Variants in GPC5 observed in about 807,000 individuals in gnomAD.
GPC5 encodes the protein glypican-5.
In GPC5, 47 loss-of-function variants were observed where a neutral mutation model predicts 53.9. The ratio of observed to expected loss-of-function variants is 0.87; its 90% CI spans 0.69 to 1.11. The LOEUF (loss-of-function observed/expected upper bound fraction) is 1.11. Ranked by LOEUF, GPC5 falls within the 50% of genes most tolerant of loss-of-function variation. The pLI is 0.00. For missense variants in GPC5, 748 were observed against 713.1 expected (o/e 1.05, Z -0.56); for synonymous variants, 286 against 263.3 (o/e 1.09, Z -0.84).
At chr13:92,424,581 C>G (rs1466436086) in intron 7 of GPC5, among the ~76,000 whole-genome samples, 2 of 151,936 alleles carry the variant, frequency 1.3e-5, no homozygotes, top group East Asian at 3.9e-4. Context: ...AGAAAGCACA[C>G]AGATATACTT....
intron 7 of GPC5, among the ~76,000 whole-genome samples, chr13:92,631,937 T>C (rs1354317189): frequency 1.3e-5 from 2 of 152,216 alleles, no homozygotes; most frequent in Non-Finnish European, 2.9e-5. Context: ...ATTATGTATA[T>C]GCAAATATTC....
intron 7 of GPC5, among the ~76,000 whole-genome samples, chr13:92,283,483 T>G (rs1349499000): frequency 6.6e-6 from 1 of 152,160 alleles, no homozygotes; most frequent in East Asian, 1.9e-4. Context: ...ATTGACCACA[T>G]AGTTGGAAGT....
In GPC5 at chr13:92,152,718, G is replaced by A. The variant is rs927825915; in HGVS notation, c.1561+7729G>A. On this transcript the variant is annotated intron_variant, in intron 7 of 7. Transcript: ENST00000377067. ...CGCACCACTGCATTCCAGCCTGGGC[G>A]ACAGAGTGAGACTCCATCTCAAAAA... 2.8e-5 allele frequency among the ~76,000 whole-genome samples: 4 copies of A among 141,678 alleles called. No individual in the cohort carries two copies. In the Admixed American group the frequency reaches 2.9e-4, roughly 10 times the overall value. 92.9% of individuals were successfully genotyped at this position (141,678 alleles called of 152,430 possible). A position where few individuals can be genotyped will look rare whatever the true frequency, so the allele number is the denominator to read the frequency against.
At chr13:92,152,922 G>A (rs1433511486) in intron 7 of GPC5, among the ~76,000 whole-genome samples, 1 of 151,898 alleles carries the variant, frequency 6.6e-6, no homozygotes. Context: ...ACTGAACAGA[G>A]AGTTTGCCTA....
At chr13:91,705,644 A>G (rs1015076511) in intron 3 of GPC5, among the ~76,000 whole-genome samples, 1 of 151,968 alleles carries the variant, frequency 6.6e-6, no homozygotes, top group African/African-American at 2.4e-5. Flanking sequence ...TTGGTCTAAG[A>G]ATAGGAAACC....
chr13:91,463,776 A>G (rs934167293), intron 2 of GPC5, among the ~76,000 whole-genome samples: 3 of 152,138 alleles, frequency 2.0e-5, no homozygotes, highest in Non-Finnish European at 4.4e-5. Flanking sequence ...TGAACCCAAA[A>G]TAGATCATAT....
At chr13:92,336,465 T>C (rs945144917) in intron 7 of GPC5, among the ~76,000 whole-genome samples, 1 of 152,168 alleles carries the variant, frequency 6.6e-6, no homozygotes, top group Non-Finnish European at 1.5e-5. Flanking sequence ...AGAATTAACA[T>C]GTTAGCTAAG....
At chr13:91,843,407 G>A (rs915886716) in intron 5 of GPC5, among the ~76,000 whole-genome samples, 1 of 152,112 alleles carries the variant, frequency 6.6e-6, no homozygotes, top group Non-Finnish European at 1.5e-5. Flanking sequence ...GAAGGATCAG[G>A]GACACTACAG....
At chr13:92,528,881 G>T (rs1881455923) in intron 7 of GPC5, among the ~76,000 whole-genome samples, 3 of 151,514 alleles carry the variant, frequency 2.0e-5, no homozygotes, top group Admixed American at 6.6e-5. Context: ...AAATAAATAG[G>T]CACTTATTAA....
intron 5 of GPC5, among the ~76,000 whole-genome samples, chr13:91,834,283 A>T (rs1378381706): frequency 6.6e-6 from 1 of 152,176 alleles, no homozygotes; most frequent in Non-Finnish European, 1.5e-5. Context: ...ATGCTCATGG[A>T]TAGAAAGAAT....
At chr13:91,653,029 G>A (rs1566583547) in intron 2 of GPC5, among the ~76,000 whole-genome samples, 2 of 152,184 alleles carry the variant, frequency 1.3e-5, no homozygotes, top group East Asian at 1.9e-4. Context: ...AATATCTGAA[G>A]CATGAATTTC....
At chr13:92,471,871 A>G (rs1878927134) in intron 7 of GPC5, among the ~76,000 whole-genome samples, 1 of 152,096 alleles carries the variant, frequency 6.6e-6, no homozygotes, top group Admixed American at 6.6e-5. Flanking sequence ...GGAGGGTGAA[A>G]TAAGTGCTCA....
At chr13:91,548,924 T>C (rs952380959) in intron 2 of GPC5, among the ~76,000 whole-genome samples, 1 of 152,148 alleles carries the variant, frequency 6.6e-6, no homozygotes, top group South Asian at 2.1e-4. Context: ...TAGAAACAGA[T>C]CTTACATCCT....
chr13:92,082,670 A>G (rs2041305834), intron 6 of GPC5, among the ~76,000 whole-genome samples: 1 of 152,220 alleles, frequency 6.6e-6, no homozygotes, highest in Non-Finnish European at 1.5e-5. Context: ...GCTATTTGTA[A>G]TTGATAAATA....
At chr13:91,425,518 C>T (rs929778508) in intron 1 of GPC5, among the ~76,000 whole-genome samples, 1 of 152,134 alleles carries the variant, frequency 6.6e-6, no homozygotes, top group African/African-American at 2.4e-5. Flanking sequence ...GCTTTTCCCC[C>T]TTCACTGTTC....
intron 2 of GPC5, among the ~76,000 whole-genome samples, chr13:91,620,062 C>T (rs986124578): frequency 5.3e-5 from 8 of 152,030 alleles, no homozygotes; most frequent in Admixed American, 4.6e-4. Flanking sequence ...TACAAAATGA[C>T]TGGGTTTGTG....
In GPC5 at chr13:92,491,863, G is replaced by T. The variant is rs116233069; in HGVS notation, c.1561+346874G>T. 8.3e-3 allele frequency among the ~76,000 whole-genome samples: 1,255 copies of T among 151,992 alleles called. 19 individuals carry two copies. The highest frequency in any genetic ancestry group is 0.029 in the African/African-American group (1,190 of 41,466). On this transcript the variant is annotated intron_variant, in intron 7 of 7. Transcript: ENST00000377067. ...TGTCAAGTAATATTTCTTTTTATTT[G>T]CCCTCAGTTTTCTTCTCTGTTGGTT...
chr13:92,674,100 T>C (rs567447541), intron 7 of GPC5, among the ~76,000 whole-genome samples: 4 of 152,340 alleles, frequency 2.6e-5, no homozygotes, highest in African/African-American at 9.6e-5. Context: ...GCCTTCCATT[T>C]GATTGGCCGT....
intron 7 of GPC5, among the ~76,000 whole-genome samples, chr13:92,184,969 A>G (rs958931949): frequency 6.6e-6 from 1 of 152,186 alleles, no homozygotes; most frequent in African/African-American, 2.4e-5. Flanking sequence ...AAAAGGTAAA[A>G]ACAACAGGAT....
Sources: allele counts gnomAD v4.1 joint callset (sites outside exome capture counted in the v4.1 genomes callset), GRCh38; gene constraint gnomAD v4.1.1; transcripts MANE v1.5; gene names NCBI Gene and HGNC (gene_info 2026-07-23, HGNC 2026-07-21).